The following PIMREG variants were observed in gnomAD, a reference collection of about 807,000 sequenced individuals.
PIMREG encodes the protein PICALM interacting mitotic regulator.
In PIMREG, 19 loss-of-function variants were observed where a neutral mutation model predicts 24.3. The ratio of observed to expected loss-of-function variants is 0.78; its 90% CI spans 0.54 to 1.15. The LOEUF (loss-of-function observed/expected upper bound fraction) is 1.15. PIMREG is among the 50% of genes most tolerant of loss of function. The pLI is 0.00. For missense variants in PIMREG, 283 were observed against 306.8 expected (o/e 0.92, Z 0.58); for synonymous variants, 112 against 124.1 (o/e 0.90, Z 0.65).
At position 6,449,321 on chromosome 17, in the gene PIMREG, C is replaced by T. The variant is rs753482541; in HGVS notation, c.600C>T (p.Asp200=). 1 of 1,610,462 alleles carries T rather than the reference C, an allele frequency of 6.2e-7. No individual in the cohort carries two copies. Among genetic ancestry groups the T allele is most frequent in the East Asian group, 2.2e-5 (1 of 44,690 alleles). ...TEPLCSPSES[D]SDLEPVGAGI... ...TTTTTCTTTCATGCAGCGAGTCTGACAGTGACCTAGAGCCTGTGGGGGCGG... is the reference window on the plus strand; with the variant it reads ...TTTTTCTTTCATGCAGCGAGTCTGATAGTGACCTAGAGCCTGTGGGGGCGG... Residue 200 remains aspartate (D), a synonymous_variant, in exon 4 of 6, where the codon GAC becomes GAT. Coordinates refer to ENST00000572447, the MANE Select transcript of PIMREG (RefSeq NM_019013.3).
At position 6,447,582 on chromosome 17, in the gene PIMREG, G is replaced by A; in HGVS notation, c.414G>A (p.Gln138=). 3 of 1,614,156 alleles carry A rather than the reference G, an allele frequency of 1.9e-6. No homozygotes were observed. Among genetic ancestry groups the A allele is most frequent in the Non-Finnish European group, 2.5e-6 (3 of 1,180,018 alleles). Residue 138 remains glutamine (Q), a synonymous_variant, in exon 3 of 6, where the codon CAG becomes CAA. Coordinates refer to ENST00000572447, the MANE Select transcript of PIMREG (RefSeq NM_019013.3). The stretch of plus-strand genomic sequence containing the variant: ...GATCCCCAACTCACAGCCTGAGCCA[G>A]AAGAGCACCCGGCTGTCTGGAGCCG... ...GSGSPTHSLS[Q]KSTRLSGAAP... is the part of the protein sequence containing the mutation.
At position 6,445,379 on chromosome 17, in the gene PIMREG, A is replaced by C. The variant is rs1913533939; in HGVS notation, c.269A>C (p.Lys90Thr). ...QGLQAAARSA[K>T]SALGAVSQRI... ...CTCCAGGCTGCAGCTCGCTCAGCTA[A>C]GAGTGCTTTGGGTGCCGTGTCCCAG... Residue 90 changes from lysine to threonine, a missense_variant, in exon 2 of 6, where the codon AAG (lysine) becomes ACG (threonine). Transcript: ENST00000572447. The C allele has an allele frequency of 2.5e-6, 4 of 1,613,134 alleles. No individual in the cohort carries two copies. Among genetic ancestry groups the C allele is most frequent in the Non-Finnish European group, 3.4e-6 (4 of 1,179,362 alleles).
At chr17:6,447,308 G>T in intron 2 of PIMREG, 155 bp from the exon 3 acceptor site, 1 of 799,608 alleles carries the variant, frequency 1.3e-6, no homozygotes, top group East Asian at 2.5e-5. Flanking sequence ...TAGAAATGGG[G>T]TTACACCATG....
chr17:6,444,973 C>A lies in PIMREG; in HGVS notation c.-35-103C>A. On this transcript the variant is annotated intron_variant, in intron 1 of 5. Coordinates refer to ENST00000572447, the MANE Select transcript of PIMREG (RefSeq NM_019013.3). This position sits in a 1 kb window ranked among gnomAD's most constrained non-coding sequence, Gnocchi z 4.3. ...CTTACCAACTCGCCCGCCCCCGCCA[C>A]CCCGCTGCATCCCGTCTCTTCCCCT... The A allele has an allele frequency of 1.0e-6, 1 of 955,880 alleles. No individual in the cohort carries two copies. The highest frequency in any genetic ancestry group is 1.5e-6 in the Non-Finnish European group (1 of 685,032). The allele number at this position is 955,880 out of a possible 1,614,324, so 59.2% of individuals were successfully genotyped here.
intron 4 of PIMREG, 189 bp downstream of exon 4, chr17:6,449,596 G>T: frequency 9.1e-7 from 1 of 1,099,296 alleles, no homozygotes; most frequent in Non-Finnish European, 1.2e-6. Context: ...TGATGGTAAA[G>T]GATGTAGCCT....
intron 4 of PIMREG, 128 bp from the exon 5 acceptor site, chr17:6,449,900 C>T (rs1311012377): frequency 7.1e-7 from 1 of 1,412,816 alleles, no homozygotes; most frequent in Non-Finnish European, 9.9e-7. Context: ...CTGGGCCCTG[C>T]CAGCTCTATG....
intron 4 of PIMREG, chr17:6,449,759 T>C: frequency 1.4e-6 from 2 of 1,396,104 alleles, no homozygotes; most frequent in East Asian, 2.6e-5. Context: ...AAAAGCAACC[T>C]GACTGCTATG....
In PIMREG at chr17:6,450,749, CAG is replaced by C. The variant is rs1205800807; in HGVS notation, c.*405_*406del. ...TGCCTGGTTTTTGGGGAGTCATCCG[CAG>C]AGTCACTCACCCACTGTGTTTCTGG... On this transcript the variant is annotated 3_prime_UTR_variant, in exon 6 of 6. Coordinates refer to ENST00000572447, the MANE Select transcript of PIMREG (RefSeq NM_019013.3). 2 of 282,548 alleles carry C rather than the reference CAG, an allele frequency of 7.1e-6. No homozygotes were observed. The highest frequency in any genetic ancestry group is 6.5e-5 in the East Asian group (1 of 15,490). 17.5% of individuals were successfully genotyped at this position (282,548 alleles called of 1,614,324 possible).
chr17:6,446,790 G>A (rs1913587586), intron 2 of PIMREG, among the ~76,000 whole-genome samples: 1 of 152,204 alleles, frequency 6.6e-6, no homozygotes, highest in East Asian at 1.9e-4. Flanking sequence ...CTCTCTTGGT[G>A]TACAGGGGGT....
rs1597351499 is a variant in PIMREG at position 6,449,280 on chromosome 17, T to C, written c.591-32T>C. The C allele has an allele frequency of 1.9e-6, 3 of 1,582,428 alleles. No homozygotes were observed. The South Asian group carries it at 3.4e-5, about 18-fold the overall frequency. ...GGGTCTCCTGCCGGGAGTTTCCAAC[T>C]AGTCACTGGTGTGGCTTTTTCTTTC... On this transcript the variant is annotated intron_variant, in intron 3 of 5. Transcript: ENST00000572447.
At position 6,445,382 on chromosome 17, in the gene PIMREG, G is replaced by A. The variant is rs1314670549; in HGVS notation, c.272G>A (p.Ser91Asn). The A allele has an allele frequency of 6.2e-7, 1 of 1,611,830 alleles. No individual in the cohort carries two copies. The highest frequency in any genetic ancestry group is 8.5e-7 in the Non-Finnish European group (1 of 1,178,650). ...GLQAAARSAK[S>N]ALGAVSQRIQ... is the part of the protein sequence containing the mutation. ...CAGGCTGCAGCTCGCTCAGCTAAGAGTGCTTTGGGTGCCGTGTCCCAGGTA... is the reference window on the plus strand; with the variant it reads ...CAGGCTGCAGCTCGCTCAGCTAAGAATGCTTTGGGTGCCGTGTCCCAGGTA... Residue 91 changes from serine (S) to asparagine (N), a missense_variant, in exon 2 of 6, where the codon AGT (serine) becomes AAT (asparagine). By Grantham distance (46) the Ser-to-Asn change is conservative. Coordinates refer to ENST00000572447, the MANE Select transcript of PIMREG (RefSeq NM_019013.3).
chr17:6,448,698 C>T (rs755994613), intron 3 of PIMREG, among the ~76,000 whole-genome samples: 8 of 152,152 alleles, frequency 5.3e-5, no homozygotes, highest in Non-Finnish European at 1.0e-4. Context: ...TGGCCTGGCT[C>T]AGGGCAGGGG....
At position 6,447,759 on chromosome 17, in the gene PIMREG, G is replaced by A; in HGVS notation, c.590+1G>A. ...CAACAGAGCCCCTCTGCTCTCCCAG[G>A]CAAGTGGGATAGTGCTTCACCCCGG... is the stretch of plus-strand genomic sequence containing the variant. On this transcript the variant is annotated splice_donor_variant, in intron 3 of 5. Transcript: ENST00000572447. LOFTEE classifies it high-confidence loss of function. 1 of 1,596,958 alleles carries A rather than the reference G, an allele frequency of 6.3e-7. No homozygotes were observed. Among genetic ancestry groups the A allele is most frequent in the Non-Finnish European group, 8.6e-7 (1 of 1,168,162 alleles).
At position 6,450,618 on chromosome 17, in the gene PIMREG, A is replaced by C; in HGVS notation, c.*271A>C. The C allele has an allele frequency of 5.8e-6, 3 of 521,236 alleles. No individual in the cohort carries two copies. Among genetic ancestry groups the C allele is most frequent in the Non-Finnish European group, 1.0e-5 (3 of 296,322 alleles). The allele number at this position is 521,236 out of a possible 1,614,324, so 32.3% of individuals were successfully genotyped here. A position where few individuals can be genotyped will look rare whatever the true frequency, so the allele number is the denominator to read the frequency against. On this transcript the variant is annotated 3_prime_UTR_variant, in exon 6 of 6. Coordinates refer to ENST00000572447, the MANE Select transcript of PIMREG (RefSeq NM_019013.3). The stretch of plus-strand genomic sequence containing the variant: ...CTTCTGCTTTCCTAGGGGACTCTTG[A>C]GCTTAGAAACTCATCGTACACTTGA...
At chr17:6,449,666 C>T (rs979305862) in intron 4 of PIMREG, 62 of 1,381,570 alleles carry the variant, frequency 4.5e-5, no homozygotes, top group South Asian at 7.4e-5. Flanking sequence ...TGGAACCTCA[C>T]GTGTGGCTGG....
chr17:6,449,172 C>T (rs1913704840), intron 3 of PIMREG, 140 bp from the exon 4 acceptor site: 2 of 599,120 alleles, frequency 3.3e-6, no homozygotes, highest in South Asian at 2.2e-5. Flanking sequence ...CTGAGGTCAC[C>T]TCCTGGAGTG....
At position 6,450,051 on chromosome 17, in the gene PIMREG, A is replaced by C; in HGVS notation, c.710A>C (p.His237Pro). Residue 237 changes from histidine (H) to proline (P), a missense_variant, in exon 5 of 6, where the codon CAT becomes CCT. Coordinates refer to ENST00000572447, the MANE Select transcript of PIMREG (RefSeq NM_019013.3). ...AGTGGTGACATCGTCTCTCTCATTC[A>C]TGACTGAGGAAGTGCCTGCAGGTAA... is the stretch of plus-strand genomic sequence containing the variant. ...EESGDIVSLI[H>P]D 1 of 1,614,128 alleles carries C rather than the reference A, an allele frequency of 6.2e-7. No homozygotes were observed. Among genetic ancestry groups the C allele is most frequent in the Non-Finnish European group, 8.5e-7 (1 of 1,180,012 alleles).
chr17:6,450,417 C>T lies in PIMREG; in HGVS notation c.*70C>T. ...CATACTCAAGGATGTCTATGCTTCC[C>T]CGTGAGCTTCCTGGAAAAAACCCCC... On this transcript the variant is annotated 3_prime_UTR_variant, in exon 6 of 6. Transcript: ENST00000572447. 6.4e-7 allele frequency: 1 copy of T among 1,569,744 alleles called. No homozygotes were observed. Among genetic ancestry groups the T allele is most frequent in the Non-Finnish European group, 8.6e-7 (1 of 1,165,488 alleles).
Position 6,445,171 on chromosome 17 carries a change from G to A in PIMREG, c.61G>A (p.Glu21Lys). 1 of 1,613,628 alleles carries A rather than the reference G, an allele frequency of 6.2e-7. No homozygotes were observed. Among genetic ancestry groups the A allele is most frequent in the Non-Finnish European group, 8.5e-7 (1 of 1,179,812 alleles). ...SVRRRSLQHQ[E>K]QLEDSKELQP... is the part of the protein sequence containing the mutation. ...GCGCCGGAGATCTCTCCAGCACCAGGAGCAGCTGGAGGACAGCAAGGAGCT... is the reference window on the plus strand; with the variant it reads ...GCGCCGGAGATCTCTCCAGCACCAGAAGCAGCTGGAGGACAGCAAGGAGCT... The change falls in exon 2 of 6, where the codon GAG becomes AAG. Residue 21 changes from glutamate (E) to lysine (K), a missense_variant. By Grantham distance (56) the Glu-to-Lys change is moderately conservative. Transcript: ENST00000572447.
Sources: gnomAD v4.1 joint callset for allele counts (sites outside exome capture counted in the v4.1 genomes callset) on GRCh38, gnomAD v4.1.1 for gene constraint, Gnocchi (gnomAD v3.1) non-coding constraint, MANE v1.5 for transcripts, NCBI Gene and HGNC (gene_info 2026-07-23, HGNC 2026-07-21) for gene names.